PKD1L3: variants seen among roughly 807,000 people sequenced by gnomAD.
PKD1L3 encodes polycystin-1-like protein 3.
Under a neutral mutation model 184.1 loss-of-function variants are expected in PKD1L3, and 239 were observed. The ratio of observed to expected loss-of-function variants is 1.30; its 90% confidence interval spans 1.17 to 1.45. The LOEUF (loss-of-function observed/expected upper bound fraction) is 1.45, where lower values mean the gene tolerates loss of function less well. Among genes scored for constraint, PKD1L3 ranks in the 40% most tolerant of loss-of-function variants. The pLI is 0.00. For synonymous variants in PKD1L3, 996 were observed against 778.8 expected (o/e 1.28, Z -4.64); for missense variants, 2,660 against 2,067.2 (o/e 1.29, Z -5.56).
At chr16:71,994,708 A>G (rs1164109978) in intron 2 of PKD1L3, among the ~76,000 whole-genome samples, 4 of 151,928 alleles carry the variant, frequency 2.6e-5, no homozygotes, top group African/African-American at 7.2e-5. Flanking sequence ...GCTTTTTACA[A>G]TGTTAACAGG....
chr16:71,987,516 G>T (rs944841360), intron 4 of PKD1L3, among the ~76,000 whole-genome samples: 1 of 152,040 alleles, frequency 6.6e-6, no homozygotes, highest in Non-Finnish European at 1.5e-5. Flanking sequence ...GGGACTACAG[G>T]ACCACATCAC....
At chr16:71,938,945 A>T (rs1162318801) in intron 24 of PKD1L3, among the ~76,000 whole-genome samples, 1 of 152,176 alleles carries the variant, frequency 6.6e-6, no homozygotes, top group Admixed American at 6.5e-5. Flanking sequence ...GGGCTGAAAC[A>T]CACCCCCTTG....
chr16:71,953,453 G>C (rs1372685959), intron 17 of PKD1L3, among the ~76,000 whole-genome samples: 1 of 152,122 alleles, frequency 6.6e-6, no homozygotes, highest in Non-Finnish European at 1.5e-5. Context: ...GGCAGGAGGT[G>C]AAGAGGAAGC....
In PKD1L3 at chr16:71,986,299, A is replaced by G; in HGVS notation, c.756T>C (p.Thr252=). ...THAGQSLAET[T]SSPKEEGHPN... ...GATGACCTTCTTCCTTTGGGCTTGAAGTTGTTTCTGCCAGAGATTGCCCAG... is the reference window on the plus strand; with the variant it reads ...GATGACCTTCTTCCTTTGGGCTTGAGGTTGTTTCTGCCAGAGATTGCCCAG... Residue 252 remains threonine (T), a synonymous_variant, in exon 5 of 30, where the codon ACT becomes ACC. Coordinates refer to ENST00000620267, the MANE Select transcript of PKD1L3 (RefSeq NM_181536.2). The G allele has an allele frequency of 6.4e-7, 1 of 1,552,138 alleles. No individual in the cohort carries two copies. Among genetic ancestry groups the G allele is most frequent in the Non-Finnish European group, 8.7e-7 (1 of 1,147,090 alleles).
chr16:71,976,735 A>G (rs952413643), intron 11 of PKD1L3, among the ~76,000 whole-genome samples: 42 of 152,180 alleles, frequency 2.8e-4, no homozygotes, highest in African/African-American at 9.2e-4. Flanking sequence ...CCTGGGCAAC[A>G]TGGCAAGACC....
rs1023563660 is a variant in PKD1L3, at chr16:71,974,374, A to G, written c.1760-857T>C. 3.9e-5 allele frequency among the ~76,000 whole-genome samples: 6 copies of G among 152,286 alleles called. No homozygotes were observed. In the East Asian group the frequency reaches 1.2e-3, roughly 29 times the overall value. On this transcript the variant is annotated intron_variant, in intron 11 of 29. Coordinates refer to ENST00000620267, the MANE Select transcript of PKD1L3 (RefSeq NM_181536.2). The stretch of plus-strand genomic sequence containing the variant: ...CTCTGAATGACATATCATTGCCAAG[A>G]TCACCAAGAAAAACTGAGTCCATGG...
rs371222717 is a variant in PKD1L3, at chr16:71,933,557, G to C, written c.4825-36C>G. 3 of 1,416,528 alleles carry C rather than the reference G, an allele frequency of 2.1e-6. No individual in the cohort carries two copies. In the Admixed American group the frequency reaches 5.9e-5, roughly 28 times the overall value. 87.7% of individuals were successfully genotyped at this position (1,416,528 alleles called of 1,614,324 possible). On this transcript the variant is annotated intron_variant, in intron 27 of 29. Coordinates refer to ENST00000620267, the MANE Select transcript of PKD1L3 (RefSeq NM_181536.2). ...GGAGAAAGGCCAGTTAGTGCAAGCCGAGCGCACATCTTTCTATCCTGAGGT... is the reference window on the plus strand; with the variant it reads ...GGAGAAAGGCCAGTTAGTGCAAGCCCAGCGCACATCTTTCTATCCTGAGGT...
intron 2 of PKD1L3, 78 bp from the exon 3 acceptor site, chr16:71,993,410 A>C (rs1276334545): frequency 6.8e-5 from 60 of 887,906 alleles, no homozygotes; most frequent in Non-Finnish European, 1.0e-4. Context: ...CATTACATGC[A>C]CGTATGTGAT....
chr16:71,971,126 T>C (rs1392292697), intron 12 of PKD1L3, among the ~76,000 whole-genome samples: 1 of 152,092 alleles, frequency 6.6e-6, no homozygotes, highest in Non-Finnish European at 1.5e-5. Flanking sequence ...TTCAGGCCAG[T>C]AGTTACCCTT....
intron 2 of PKD1L3, among the ~76,000 whole-genome samples, chr16:71,993,746 G>A (rs879676545): frequency 2.6e-5 from 4 of 151,940 alleles, no homozygotes; most frequent in African/African-American, 4.8e-5. Flanking sequence ...AACTCTCATT[G>A]GTAGAGATAA....
intron 3 of PKD1L3, among the ~76,000 whole-genome samples, chr16:71,992,601 T>C (rs1489689061): frequency 6.6e-6 from 1 of 152,236 alleles, no homozygotes; most frequent in Non-Finnish European, 1.5e-5. Context: ...CAAGTCCCAA[T>C]TTACAAAGGA....
intron 12 of PKD1L3, 51 bp from the exon 13 acceptor site, chr16:71,970,156 G>T: frequency 1.4e-6 from 2 of 1,411,980 alleles, no homozygotes; most frequent in African/African-American, 1.4e-5. Context: ...TGCTAAGGAG[G>T]GGACAGACAT....
rs745721803 is a variant in PKD1L3 at position 71,933,479 on chromosome 16, A to C, written c.4867T>G (p.Phe1623Val). 9 of 1,551,818 alleles carry C rather than the reference A, an allele frequency of 5.8e-6. No individual in the cohort carries two copies. The highest frequency in any genetic ancestry group is 7.8e-6 in the Non-Finnish European group (9 of 1,146,938). Residue 1623 changes from phenylalanine (F) to valine (V), a missense_variant, in exon 28 of 30, where the codon TTT becomes GTT. Coordinates refer to ENST00000620267, the MANE Select transcript of PKD1L3 (RefSeq NM_181536.2). ...ACAACAGTCACTGCTGAGCTGAAAA[A>C]TGTCCGGTAGTCAGAGATGCTGCAT... ...FGCSISDYRT[F>V]FSSAVTVVGL...
chr16:71,968,602 T>G (rs561996351), intron 13 of PKD1L3, among the ~76,000 whole-genome samples: 9 of 152,332 alleles, frequency 5.9e-5, no homozygotes, highest in African/African-American at 2.2e-4. Context: ...TATAGTTATA[T>G]TCTTATTTTT....
chr16:71,983,742 T>C (rs867230220), intron 6 of PKD1L3, among the ~76,000 whole-genome samples: 7 of 140,204 alleles, frequency 5.0e-5, no homozygotes, highest in Admixed American at 7.6e-5. Flanking sequence ...TCTTGGCTCA[T>C]TGCCTCTGCC....
At chr16:71,930,523 C>A (rs1370016966) in intron 28 of PKD1L3, 1 of 178,024 alleles carries the variant, frequency 5.6e-6, no homozygotes, top group Non-Finnish European at 1.2e-5. Flanking sequence ...TAAGCAAACA[C>A]TGAAAGATTA....
Position 71,973,532 on chromosome 16 carries a change from G to A in PKD1L3, c.1760-15C>T, listed in dbSNP as rs1188695939. Reference sequence around the variant, plus strand: ...GTACTCCTCATCTTAGAACAAAGAAGAGTGCTTACTTGTATATCAAATGGA... The same window carrying A: ...GTACTCCTCATCTTAGAACAAAGAAAAGTGCTTACTTGTATATCAAATGGA... On this transcript the variant is annotated splice_polypyrimidine_tract_variant and intron_variant, in intron 11 of 29. Transcript: ENST00000620267. 10 of 1,548,198 alleles carry A rather than the reference G, an allele frequency of 6.5e-6. No homozygotes were observed. The highest frequency in any genetic ancestry group is 8.7e-6 in the Non-Finnish European group (10 of 1,144,644).
At position 71,969,730 on chromosome 16, in the gene PKD1L3, G is replaced by C. The variant is rs569805661; in HGVS notation, c.2184+145C>G. 1.0e-4 allele frequency: 77 copies of C among 749,058 alleles called. No individual in the cohort carries two copies. The African/African-American group carries it at 1.2e-3, about 12-fold the overall frequency. 46.4% of individuals were successfully genotyped at this position (749,058 alleles called of 1,614,324 possible). A position where few individuals can be genotyped will look rare whatever the true frequency, so the allele number is the denominator to read the frequency against. ...CAGGTCTTGAGTCAGCAGACACGAA[G>C]ATAAATTTAAGAAAAGTTTCACTTG... On this transcript the variant is annotated intron_variant, in intron 13 of 29. Coordinates refer to ENST00000620267, the MANE Select transcript of PKD1L3 (RefSeq NM_181536.2).
intron 22 of PKD1L3, among the ~76,000 whole-genome samples, chr16:71,947,073 T>A (rs533417019): frequency 1.3e-5 from 2 of 151,820 alleles, no homozygotes; most frequent in East Asian, 3.9e-4. Flanking sequence ...CTGGCCAACA[T>A]GGCAAAACCC....
Sources: gnomAD v4.1 joint callset for allele counts (sites outside exome capture counted in the v4.1 genomes callset) on GRCh38, gnomAD v4.1.1 for gene constraint, MANE v1.5 for transcripts, NCBI Gene and HGNC (gene_info 2026-07-23, HGNC 2026-07-21) for gene names.